The following RFX3 variants were observed in gnomAD, a reference collection of about 807,000 sequenced individuals.
The protein encoded by RFX3 is regulatory factor X3.
A neutral mutation model predicts 98.6 loss-of-function variants in RFX3; 14 were observed. The observed-to-expected ratio is 0.14, with a 90% CI of 0.09 to 0.22. The LOEUF (loss-of-function observed/expected upper bound fraction) is 0.22. RFX3 is among the 10% of genes least tolerant of loss of function. The pLI, the probability that RFX3 is intolerant of heterozygous loss-of-function variation, is 1.00. For missense variants in RFX3, 639 were observed against 926.9 expected (o/e 0.69, Z 4.03); for synonymous variants, 383 against 328.4 (o/e 1.17, Z -1.80).
intron 1 of RFX3, among the ~76,000 whole-genome samples, chr9:3,407,733 C>T (rs1030397133): frequency 1.3e-5 from 2 of 152,024 alleles, no homozygotes; most frequent in Non-Finnish European, 2.9e-5. Context: ...AATAGTTTTC[C>T]GTGATAGATC....
rs552977909 is a variant in RFX3, at chr9:3,328,673, T to A, written c.474+1586A>T. Among the ~76,000 whole-genome samples, 17 of 152,242 alleles carry A rather than the reference T, an allele frequency of 1.1e-4. 1 individual carries two copies. In the South Asian group the frequency reaches 2.1e-3, roughly 19 times the overall value. On this transcript the variant is annotated intron_variant, in intron 4 of 16. Coordinates refer to ENST00000617270, the MANE Select transcript of RFX3 (RefSeq NM_001282116.2). ...TAGCGAATTAAAATAAAGAGTTTTT[T>A]AAAAATAAATTAGGGAAAAGGCACT... is the stretch of plus-strand genomic sequence containing the variant.
chr9:3,373,914 TA>T (rs1838137856), intron 2 of RFX3, among the ~76,000 whole-genome samples: 1 of 152,038 alleles, frequency 6.6e-6, no homozygotes, highest in East Asian at 1.9e-4. Context: ...CCGTCTCTAA[TA>T]AAAATACAAA....
intron 2 of RFX3, among the ~76,000 whole-genome samples, chr9:3,386,019 C>A (rs1288178935): frequency 6.6e-6 from 1 of 152,132 alleles, no homozygotes; most frequent in Non-Finnish European, 1.5e-5. Context: ...AAGTGAAAGA[C>A]ACCACCACCA....
chr9:3,333,853 A>G (rs972625527), intron 3 of RFX3, among the ~76,000 whole-genome samples: 2 of 152,288 alleles, frequency 1.3e-5, no homozygotes, highest in East Asian at 3.9e-4. Flanking sequence ...ATAGCTAAAT[A>G]TAGCTAATAT....
intron 1 of RFX3, among the ~76,000 whole-genome samples, chr9:3,474,617 T>C (rs1410609707): frequency 4.6e-5 from 7 of 152,252 alleles, no homozygotes; most frequent in Admixed American, 3.9e-4. Context: ...AGAAGAAACA[T>C]ATCTAAAAGT....
At chr9:3,247,809 T>C (rs578103266) in intron 15 of RFX3, 8 of 1,606,800 alleles carry the variant, frequency 5.0e-6, no homozygotes, top group Admixed American at 1.7e-5. Flanking sequence ...ACACATTCCA[T>C]GAACTTTCAC....
chr9:3,300,258 C>A (rs1828484337), intron 5 of RFX3, among the ~76,000 whole-genome samples: 1 of 151,722 alleles, frequency 6.6e-6, no homozygotes, highest in African/African-American at 2.4e-5. Context: ...TTCTTAAACT[C>A]TTTCAAAAGG....
intron 4 of RFX3, chr9:3,324,049 T>G (rs1328051310): frequency 2.2e-6 from 1 of 452,976 alleles, no homozygotes; most frequent in African/African-American, 2.0e-5. Flanking sequence ...AAACAGACGG[T>G]TCATGGTAAT....
At chr9:3,339,312 G>T (rs903626032) in intron 3 of RFX3, among the ~76,000 whole-genome samples, 1 of 151,996 alleles carries the variant, frequency 6.6e-6, no homozygotes, top group African/African-American at 2.4e-5. Context: ...AAATAAATAT[G>T]GACTGAAATC....
intron 4 of RFX3, among the ~76,000 whole-genome samples, chr9:3,306,526 G>A (rs1426360499): frequency 3.4e-5 from 5 of 149,092 alleles, no homozygotes; most frequent in Admixed American, 6.8e-5. Context: ...ACAGAGCATG[G>A]GTAAGGCAGT....
At chr9:3,473,911 T>C (rs921824244) in intron 1 of RFX3, among the ~76,000 whole-genome samples, 5 of 152,170 alleles carry the variant, frequency 3.3e-5, no homozygotes, top group East Asian at 1.9e-4. Context: ...GAAATATTTT[T>C]AAACCTGGGA....
chr9:3,290,784 A>G (rs1359033810), intron 6 of RFX3, among the ~76,000 whole-genome samples: 2 of 152,310 alleles, frequency 1.3e-5, no homozygotes, highest in African/African-American at 4.8e-5. Flanking sequence ...ATTCATGCTA[A>G]TACATACAGG....
At chr9:3,380,306 A>T (rs370679819) in intron 2 of RFX3, among the ~76,000 whole-genome samples, 2 of 152,178 alleles carry the variant, frequency 1.3e-5, no homozygotes, top group African/African-American at 4.8e-5. Context: ...CTCTCTAGAA[A>T]GTTTCCCACA....
intron 1 of RFX3, among the ~76,000 whole-genome samples, chr9:3,484,125 T>C (rs1053688591): frequency 1.3e-5 from 2 of 152,216 alleles, no homozygotes; most frequent in African/African-American, 4.8e-5. Flanking sequence ...CATAGCTTCA[T>C]CTCACTTAGT....
intron 4 of RFX3, among the ~76,000 whole-genome samples, chr9:3,328,371 G>A (rs1323590416): frequency 6.6e-6 from 1 of 152,044 alleles, no homozygotes; most frequent in Non-Finnish European, 1.5e-5. Flanking sequence ...CTAAAGCTAG[G>A]AGGAAACTAG....
intron 1 of RFX3, among the ~76,000 whole-genome samples, chr9:3,449,660 TG>T (rs556370563): frequency 3.6e-4 from 55 of 152,218 alleles, no homozygotes; most frequent in African/African-American, 1.3e-3. Context: ...AAGACCAGCC[TG>T]GGCAACATGG....
At chr9:3,315,580 C>G (rs1262448062) in intron 4 of RFX3, among the ~76,000 whole-genome samples, 1 of 152,088 alleles carries the variant, frequency 6.6e-6, no homozygotes, top group Non-Finnish European at 1.5e-5. Context: ...ATCAATGAAT[C>G]CAGGAGCTGG....
In RFX3 at chr9:3,356,675, A is replaced by G. The variant is rs371874517; in HGVS notation, c.118-9911T>C. ...CCCAAACTAGAAAAGACATTACAAG[A>G]AAAGAATACTACAAACTAATGTCTC... On this transcript the variant is annotated intron_variant, in intron 2 of 16. Transcript: ENST00000617270. 1.2e-4 allele frequency among the ~76,000 whole-genome samples: 19 copies of G among 152,082 alleles called. No individual in the cohort carries two copies. In the South Asian group the frequency reaches 1.9e-3, roughly 15 times the overall value.
intron 11 of RFX3, among the ~76,000 whole-genome samples, chr9:3,268,929 G>A (rs1236331926): frequency 1.3e-5 from 2 of 151,894 alleles, no homozygotes; most frequent in East Asian, 3.9e-4. Context: ...GTAGTAAGAT[G>A]TCATAGGCTA....
Sources: gnomAD v4.1 joint callset for allele counts (sites outside exome capture counted in the v4.1 genomes callset) on GRCh38, gnomAD v4.1.1 for gene constraint, MANE v1.5 for transcripts, NCBI Gene and HGNC (gene_info 2026-07-23, HGNC 2026-07-21) for gene names.